Variants in SHC2 observed in about 807,000 individuals in gnomAD.
SHC2 encodes the protein SHC-transforming protein 2.
A neutral mutation model predicts 60.6 loss-of-function variants in SHC2; 62 were observed. That is an observed-to-expected ratio of 1.02 (90% confidence interval 0.83 to 1.26). SHC2 has a LOEUF of 1.26. SHC2 is among the 50% of genes most tolerant of loss of function. The pLI is 0.00. For synonymous variants in SHC2, 375 were observed against 372.4 expected (o/e 1.01, Z -0.08); for missense variants, 873 against 822.2 (o/e 1.06, Z -0.76).
In SHC2 at chr19:438,173, A is replaced by G. The variant is rs1974766343; in HGVS notation, c.720+545T>C. ...TAATCTTTGTATTTTTTGTAGAGTC[A>G]GCCATGTTGGCCAGGCTGGTCTCGA... On this transcript the variant is annotated intron_variant, in intron 4 of 12. Transcript: ENST00000264554. This position sits in a 1 kb window ranked among gnomAD's most constrained non-coding sequence, Gnocchi z 5.0. Among the ~76,000 whole-genome samples, 1 of 151,954 alleles carries G rather than the reference A, an allele frequency of 6.6e-6. No individual in the cohort carries two copies. The highest frequency in any genetic ancestry group is 1.5e-5 in the Non-Finnish European group (1 of 67,952).
chr19:448,707 G>A (rs904530015), intron 1 of SHC2, among the ~76,000 whole-genome samples: 8 of 152,118 alleles, frequency 5.3e-5, no homozygotes, highest in African/African-American at 9.7e-5. Context: ...CCCTCTGTGC[G>A]TCCTGCCAAA....
chr19:427,040 C>A (rs946088937), intron 9 of SHC2, among the ~76,000 whole-genome samples: 1 of 152,168 alleles, frequency 6.6e-6, no homozygotes. Context: ...AGCCCCCGGT[C>A]CGGGGTGAGC....
In SHC2 at chr19:416,593, G is replaced by C. The variant is rs1453098772; in HGVS notation, c.*735C>G. On this transcript the variant is annotated 3_prime_UTR_variant, in exon 13 of 13. Transcript: ENST00000264554. ...GATATGCAGGTGGGCTTGTGCTCTTGTGGCCATTCCCAGGTTTAATTACAA... is the reference window on the plus strand; with the variant it reads ...GATATGCAGGTGGGCTTGTGCTCTTCTGGCCATTCCCAGGTTTAATTACAA... 6.6e-6 allele frequency: 1 copy of C among 152,190 alleles called. No homozygotes were observed. Among genetic ancestry groups the C allele is most frequent in the Admixed American group, 6.5e-5 (1 of 15,284 alleles). 9.4% of individuals were successfully genotyped at this position (152,190 alleles called of 1,614,324 possible).
chr19:424,668 A>T lies in SHC2; in HGVS notation c.1309+429T>A, dbSNP rs1289635103. Among the ~76,000 whole-genome samples the T allele has an allele frequency of 3.9e-5, 6 of 152,074 alleles. No individual in the cohort carries two copies. The East Asian group carries it at 1.2e-3, about 29-fold the overall frequency. On this transcript the variant is annotated intron_variant, in intron 10 of 12. Transcript: ENST00000264554. The surrounding 1 kb of genome is among the most constrained non-coding windows in gnomAD (Gnocchi z 4.5). ...GGAATGACGAACCTCCTCCCTTCAG[A>T]CCGGGGGTTCCGACAGAGGCAGGTG...
intron 11 of SHC2, among the ~76,000 whole-genome samples, chr19:421,012 T>C (rs1415268026): frequency 6.6e-6 from 1 of 151,406 alleles, no homozygotes; most frequent in African/African-American, 2.4e-5. Flanking sequence ...ATTGCGCCAC[T>C]GCACTCCAGC....
chr19:436,738 G>A, intron 4 of SHC2, 55 bp from the exon 5 acceptor site: 5 of 1,526,466 alleles, frequency 3.3e-6, no homozygotes, highest in East Asian at 2.3e-5. Flanking sequence ...AGGGCAGGGG[G>A]CCCGGCAGAT....
intron 8 of SHC2, 94 bp downstream of exon 8, chr19:434,612 CGAG>C (rs1230547920): frequency 9.7e-7 from 1 of 1,032,904 alleles, no homozygotes; most frequent in Non-Finnish European, 1.2e-6. Context: ...CCTCTAGGAT[CGAG>C]GAGAACAGGA....
At chr19:434,920 C>T in intron 7 of SHC2, 55 bp from the exon 8 acceptor site, 2 of 1,548,354 alleles carry the variant, frequency 1.3e-6, no homozygotes, top group Non-Finnish European at 1.7e-6. Flanking sequence ...GGGGCTAAAG[C>T]CTTACGGCTT....
rs1975067933 is a variant in SHC2 at position 446,956 on chromosome 19, C to T, written c.469-6024G>A. Reference sequence around the variant, plus strand: ...CGCCCACGCCAGCCACCGGGACCCACCTCATAGGCTTTGCCATGGTCTGTA... The same window carrying T: ...CGCCCACGCCAGCCACCGGGACCCATCTCATAGGCTTTGCCATGGTCTGTA... On this transcript the variant is annotated intron_variant, in intron 1 of 12. Transcript: ENST00000264554. This position sits in a 1 kb window ranked among gnomAD's most constrained non-coding sequence, Gnocchi z 5.4. 2.6e-5 allele frequency among the ~76,000 whole-genome samples: 4 copies of T among 152,248 alleles called. No homozygotes were observed. Among genetic ancestry groups the T allele is most frequent in the Admixed American group, 1.3e-4 (2 of 15,288 alleles).
chr19:459,805 C>T, intron 1 of SHC2, among the ~76,000 whole-genome samples: 1 of 152,178 alleles, frequency 6.6e-6, no homozygotes, highest in East Asian at 1.9e-4. Flanking sequence ...TCCCAGACGC[C>T]GTAATGACTG....
At chr19:433,655 A>T (rs1363490049) in intron 8 of SHC2, among the ~76,000 whole-genome samples, 7 of 41,518 alleles carry the variant, frequency 1.7e-4, no homozygotes, top group African/African-American at 1.1e-3. Context: ...TGAGTGAGAG[A>T]TAGAGGAGGC....
intron 8 of SHC2, 27 bp from the exon 9 acceptor site, chr19:430,774 C>T (rs1302980262): frequency 5.0e-6 from 8 of 1,608,272 alleles, no homozygotes; most frequent in Non-Finnish European, 6.8e-6. Flanking sequence ...GAGAGGTTCC[C>T]CGGTGTGTGC....
chr19:423,820 G>A (rs976846107), intron 10 of SHC2, among the ~76,000 whole-genome samples: 20 of 152,288 alleles, frequency 1.3e-4, no homozygotes, highest in African/African-American at 4.1e-4. Context: ...CGTGGAGGAC[G>A]GACGAGAAGA....
intron 12 of SHC2, 67 bp downstream of exon 12, chr19:418,856 A>T: frequency 6.6e-7 from 1 of 1,519,480 alleles, no homozygotes; most frequent in East Asian, 2.4e-5. Flanking sequence ...CCGGGTCTCA[A>T]TTTTCAAATC....
intron 8 of SHC2, among the ~76,000 whole-genome samples, chr19:434,354 G>C (rs2145715163): frequency 5.0e-5 from 2 of 40,114 alleles, no homozygotes; most frequent in South Asian, 1.6e-3. Flanking sequence ...ATGAGTGAGT[G>C]AGATCATGAG....
chr19:438,747 G>A lies in SHC2; in HGVS notation c.691C>T (p.Leu231Phe). The A allele has an allele frequency of 1.9e-6, 3 of 1,569,318 alleles. No individual in the cohort carries two copies. The highest frequency in any genetic ancestry group is 2.6e-6 in the Non-Finnish European group (3 of 1,158,460). ...SISIHISTDG[L>F]SLSVPATRQV... ...CGCGTGGCAGGCACGGAGAGGCTGA[G>A]GCCATCAGTGGAGATGTGGATGGAG... is the stretch of plus-strand genomic sequence containing the variant. The change falls in exon 4 of 13, where the codon CTC becomes TTC. Residue 231 changes from leucine to phenylalanine, a missense_variant. Coordinates refer to ENST00000264554, the MANE Select transcript of SHC2 (RefSeq NM_012435.3). This position sits in a 1 kb window ranked among gnomAD's most constrained non-coding sequence, Gnocchi z 5.0.
intron 1 of SHC2, among the ~76,000 whole-genome samples, chr19:442,817 G>A (rs1974924605): frequency 1.4e-5 from 2 of 145,594 alleles, no homozygotes; most frequent in Non-Finnish European, 3.0e-5. Context: ...ATGAGTGGAT[G>A]GGTGGATGGG....
intron 11 of SHC2, among the ~76,000 whole-genome samples, chr19:420,437 G>A (rs917851059): frequency 2.0e-5 from 3 of 152,164 alleles, no homozygotes; most frequent in South Asian, 2.1e-4. Flanking sequence ...AGAGGCCTCC[G>A]AACCCTCTAG....
rs1213798709 is a variant in SHC2 at position 422,840 on chromosome 19, C to T, written c.1310-384G>A. The stretch of plus-strand genomic sequence containing the variant: ...ATTGGCCGCGGGGCCTCCAATGTGC[C>T]CTAAATACTCAAGACGACAGCCGGC... On this transcript the variant is annotated intron_variant, in intron 10 of 12. Coordinates refer to ENST00000264554, the MANE Select transcript of SHC2 (RefSeq NM_012435.3). The surrounding 1 kb of genome is among the most constrained non-coding windows in gnomAD (Gnocchi z 5.0). 5.5e-6 allele frequency: 1 copy of T among 182,800 alleles called. No individual in the cohort carries two copies. The highest frequency in any genetic ancestry group is 2.4e-5 in the African/African-American group (1 of 42,366). 11.3% of individuals were successfully genotyped at this position (182,800 alleles called of 1,614,324 possible). A position where few individuals can be genotyped will look rare whatever the true frequency, so the allele number is the denominator to read the frequency against.
Sources: allele counts gnomAD v4.1 joint callset (sites outside exome capture counted in the v4.1 genomes callset), GRCh38; gene constraint gnomAD v4.1.1; non-coding constraint Gnocchi (gnomAD v3.1); transcripts MANE v1.5; gene names NCBI Gene and HGNC (gene_info 2026-07-23, HGNC 2026-07-21).